NAALADL2: variants seen among roughly 807,000 people sequenced by gnomAD.
The protein encoded by NAALADL2 is N-acetylated alpha-linked acidic dipeptidase like 2.
In NAALADL2, 76 loss-of-function variants were observed where a neutral mutation model predicts 87.2. The ratio of observed to expected loss-of-function variants is 0.87; its 90% confidence interval spans 0.72 to 1.05. NAALADL2 has a LOEUF of 1.05. Ranked by LOEUF, NAALADL2 falls within the 50% of genes least tolerant of loss-of-function variation. The pLI is 0.00. For missense variants in NAALADL2, 1,089 were observed against 945.8 expected (o/e 1.15, Z -1.99); for synonymous variants, 354 against 331.0 (o/e 1.07, Z -0.75).
chr3:174,885,836 T>C (rs1730029206), intron 1 of NAALADL2, among the ~76,000 whole-genome samples: 1 of 119,156 alleles, frequency 8.4e-6, no homozygotes, highest in Non-Finnish European at 1.7e-5. Context: ...GTTCCCACAA[T>C]AGGCCATCTG....
intron 5 of NAALADL2, among the ~76,000 whole-genome samples, chr3:175,359,544 T>A (rs1269549870): frequency 1.3e-5 from 2 of 152,086 alleles, no homozygotes; most frequent in South Asian, 2.1e-4. Flanking sequence ...ATGACATTTT[T>A]AATTCAATTT....
intron 1 of NAALADL2, among the ~76,000 whole-genome samples, chr3:174,972,988 C>A (rs1426438247): frequency 3.1e-5 from 4 of 127,230 alleles, no homozygotes; most frequent in African/African-American, 1.3e-4. Flanking sequence ...AAGAGTGAAA[C>A]TCTGTCTCAA....
intron 2 of NAALADL2, among the ~76,000 whole-genome samples, chr3:175,171,674 T>C (rs189725372): frequency 1.3e-5 from 2 of 152,224 alleles, no homozygotes; most frequent in East Asian, 3.9e-4. Context: ...TAATCTATTA[T>C]AACAGAAGAA....
At chr3:175,722,362 G>A (rs560489884) in intron 11 of NAALADL2, among the ~76,000 whole-genome samples, 2 of 152,042 alleles carry the variant, frequency 1.3e-5, no homozygotes, top group Non-Finnish European at 2.9e-5. Flanking sequence ...GACAAATAAA[G>A]TTATTCCATG....
chr3:175,297,749 A>G (rs1756560779), intron 4 of NAALADL2, among the ~76,000 whole-genome samples: 1 of 152,176 alleles, frequency 6.6e-6, no homozygotes, highest in African/African-American at 2.4e-5. Flanking sequence ...ACCCACATGT[A>G]GACTTCATTT....
chr3:174,921,724 G>C (rs902274727), intron 1 of NAALADL2, among the ~76,000 whole-genome samples: 2 of 149,350 alleles, frequency 1.3e-5, no homozygotes, highest in African/African-American at 4.9e-5. Flanking sequence ...AGAATGGCTT[G>C]AATCTGGGAG....
At chr3:174,693,912 A>G (rs1340954043) in intron 2 of NAALADL2, among the ~76,000 whole-genome samples, 1 of 152,166 alleles carries the variant, frequency 6.6e-6, no homozygotes, top group Non-Finnish European at 1.5e-5. Flanking sequence ...GAAGTTCATT[A>G]TAAGGATCCT....
chr3:175,305,250 ATGTGTGTG>A (rs66513736), intron 4 of NAALADL2, among the ~76,000 whole-genome samples: 1 of 148,650 alleles, frequency 6.7e-6, no homozygotes, highest in Non-Finnish European at 1.5e-5. Context: ...GTGTTTGTGT[ATGTGTGTG>A]TGTGTGTGTG....
chr3:175,745,613 A>G (rs1315339948), intron 12 of NAALADL2, among the ~76,000 whole-genome samples: 1 of 152,214 alleles, frequency 6.6e-6, no homozygotes, highest in Non-Finnish European at 1.5e-5. Context: ...AACAGTCTGC[A>G]TGTAGTAGTA....
chr3:174,555,817 C>A (rs997090219), intron 2 of NAALADL2, among the ~76,000 whole-genome samples: 12 of 152,156 alleles, frequency 7.9e-5, no homozygotes, highest in African/African-American at 2.9e-4. Flanking sequence ...TCTTTTACGG[C>A]CAGTTCTCAG....
chr3:174,690,517 G>C lies in NAALADL2; in HGVS notation c.-114-47124G>C, dbSNP rs1157235270. 3.9e-5 allele frequency among the ~76,000 whole-genome samples: 6 copies of C among 152,190 alleles called. No individual in the cohort carries two copies. In the East Asian group the frequency reaches 1.2e-3, roughly 29 times the overall value. On this transcript the variant is annotated intron_variant, in intron 2 of 3. Coordinates refer to the NAALADL2 transcript ENST00000434257. ...TCTGCTGTCAGCTGATATGTGCTTAGGGAACAGAAACTAATTTAACATTAA... is the reference window on the plus strand; with the variant it reads ...TCTGCTGTCAGCTGATATGTGCTTACGGAACAGAAACTAATTTAACATTAA...
chr3:175,802,366 C>T (rs777432646), intron 13 of NAALADL2, among the ~76,000 whole-genome samples: 1 of 150,548 alleles, frequency 6.6e-6, no homozygotes, highest in Non-Finnish European at 1.5e-5. Context: ...GATATTTTGT[C>T]AATATTTAGA....
In NAALADL2 at chr3:174,984,947, T is replaced by C. The variant is rs544962763; in HGVS notation, c.44-111843T>C. Among the ~76,000 whole-genome samples the C allele has an allele frequency of 7.2e-5, 11 of 152,314 alleles. No homozygotes were observed. The East Asian group carries it at 2.1e-3, about 29-fold the overall frequency. On this transcript the variant is annotated intron_variant, in intron 1 of 13. Coordinates refer to ENST00000454872, the MANE Select transcript of NAALADL2 (RefSeq NM_207015.3). ...TGAATATTCAGAAAATATTTAGATA[T>C]GTGATTTAACTTAGCATTTTGGTAA...
intron 1 of NAALADL2, among the ~76,000 whole-genome samples, chr3:175,033,159 G>A (rs929388241): frequency 2.6e-4 from 39 of 152,068 alleles, no homozygotes; most frequent in Non-Finnish European, 4.0e-4. Context: ...ATCTGGTTCC[G>A]TTGGATGTTA....
At chr3:174,930,633 T>C (rs1217316538) in intron 1 of NAALADL2, among the ~76,000 whole-genome samples, 1 of 132,838 alleles carries the variant, frequency 7.5e-6, no homozygotes, top group Non-Finnish European at 1.6e-5. Context: ...TTTTTTTTTT[T>C]TTTTTTGAGA....
chr3:175,030,526 C>A (rs947147018), intron 1 of NAALADL2, among the ~76,000 whole-genome samples: 1 of 151,924 alleles, frequency 6.6e-6, no homozygotes, highest in Non-Finnish European at 1.5e-5. Flanking sequence ...ATTTAAATGT[C>A]TTTAGGGAAG....
chr3:174,778,396 A>G (rs1715479819), intron 3 of NAALADL2, among the ~76,000 whole-genome samples: 1 of 152,094 alleles, frequency 6.6e-6, no homozygotes, highest in African/African-American at 2.4e-5. Flanking sequence ...AAAATTGTTC[A>G]ACTTTGAAAG....
chr3:175,314,666 CTATATATATATATATATATA>C (rs60572633), intron 4 of NAALADL2, among the ~76,000 whole-genome samples: 1,902 of 30,730 alleles, frequency 0.062, 57 homozygotes, highest in East Asian at 0.22. Flanking sequence ...ATAGTTCTAA[CTATATATATATATATATATA>C]TATATATATA....
intron 5 of NAALADL2, among the ~76,000 whole-genome samples, chr3:175,442,845 A>C (rs370835043): frequency 6.6e-6 from 1 of 152,208 alleles, no homozygotes; most frequent in Non-Finnish European, 1.5e-5. Flanking sequence ...CTGCAAGCTA[A>C]AAGTTAAAGT....
Sources: gnomAD v4.1 joint callset for allele counts (sites outside exome capture counted in the v4.1 genomes callset) on GRCh38, gnomAD v4.1.1 for gene constraint, MANE v1.5 for transcripts, NCBI Gene and HGNC (gene_info 2026-07-23, HGNC 2026-07-21) for gene names.